Variants in EPG5 observed in about 807,000 individuals in gnomAD.
EPG5 encodes the protein ectopic P-granules 5 autophagy tethering factor.
A neutral mutation model predicts 302.7 loss-of-function variants in EPG5; 159 were observed. The observed-to-expected ratio is 0.53, with a 90% CI of 0.46 to 0.60. The LOEUF is 0.60. EPG5 is among the 20% of genes least tolerant of loss of function. EPG5 has a pLI of 0.00. For synonymous variants in EPG5, 1,158 were observed against 1,136.8 expected (o/e 1.02, Z -0.37); for missense variants, 2,896 against 3,092.4 (o/e 0.94, Z 1.51).
At chr18:45,923,491 T>C (rs954475477) in intron 14 of EPG5, 104 bp from the exon 15 acceptor site, 2 of 1,255,116 alleles carry the variant, frequency 1.6e-6, no homozygotes, top group Non-Finnish European at 2.2e-6. Flanking sequence ...GGATCTTCGA[T>C]GTAGAAGCTA....
downstream of EPG5, among the ~76,000 whole-genome samples, chr18:45,845,947 G>T (rs2048359758): frequency 6.6e-6 from 1 of 152,212 alleles, no homozygotes; most frequent in African/African-American, 2.4e-5. Context: ...AATCTATGGT[G>T]AAAGTAGGCC....
chr18:45,950,629 C>G (rs2050886886), intron 4 of EPG5, among the ~76,000 whole-genome samples: 1 of 152,188 alleles, frequency 6.6e-6, no homozygotes, highest in Non-Finnish European at 1.5e-5. Context: ...ACATTTGGGG[C>G]TGAAACATAA....
chr18:45,925,508 G>A (rs188859992), intron 14 of EPG5, among the ~76,000 whole-genome samples: 174 of 151,956 alleles, frequency 1.1e-3, no homozygotes, highest in African/African-American at 3.7e-3. Flanking sequence ...CAGATACATG[G>A]GAATAAGGAA....
intron 27 of EPG5, among the ~76,000 whole-genome samples, chr18:45,895,023 G>A (rs74513262): frequency 0.032 from 4,923 of 152,260 alleles, 232 homozygotes; most frequent in African/African-American, 0.11. Context: ...AGGGAGAAGC[G>A]AGGTGTGCAT....
chr18:45,895,912 C>A (rs1599515997), intron 27 of EPG5, among the ~76,000 whole-genome samples: 1 of 152,300 alleles, frequency 6.6e-6, no homozygotes, highest in East Asian at 1.9e-4. Context: ...CATCCATAAC[C>A]AATATTATCC....
chr18:45,939,863 C>T, intron 9 of EPG5, 108 bp from the exon 10 acceptor site: 6 of 972,382 alleles, frequency 6.2e-6, no homozygotes, highest in Non-Finnish European at 7.6e-6. Flanking sequence ...TGAGCACCTA[C>T]TATCCACCTA....
the EPG5 span, among the ~76,000 whole-genome samples, chr18:45,828,300 T>G: frequency 6.6e-6 from 1 of 152,156 alleles, no homozygotes; most frequent in African/African-American, 2.4e-5. Flanking sequence ...CTACTTTCCA[T>G]GTCCTCCCCT....
intron 13 of EPG5, among the ~76,000 whole-genome samples, chr18:45,926,787 G>A (rs2050279736): frequency 6.7e-6 from 1 of 149,924 alleles, no homozygotes; most frequent in East Asian, 2.0e-4. Context: ...ACTCCAGCCT[G>A]GGTGACAGGG....
chr18:45,855,706 G>A lies in EPG5; in HGVS notation c.7443-19C>T. On this transcript the variant is annotated intron_variant, in intron 42 of 43. Coordinates refer to ENST00000282041, the MANE Select transcript of EPG5 (RefSeq NM_020964.3). The stretch of plus-strand genomic sequence containing the variant: ...TCGGAACCTTAGGCATTAGGGAGAG[G>A]TCAGAAGAAGTAAATGGCTATTAAA... 6.5e-7 allele frequency: 1 copy of A among 1,527,590 alleles called. No homozygotes were observed. The highest frequency in any genetic ancestry group is 9.1e-7 in the Non-Finnish European group (1 of 1,101,420). 94.6% of individuals were successfully genotyped at this position (1,527,590 alleles called of 1,614,324 possible). A position where few individuals can be genotyped will look rare whatever the true frequency, so the allele number is the denominator to read the frequency against.
rs1893524 is a variant in EPG5 at position 45,901,405 on chromosome 18, C to T, written c.4475-238G>A. 0.83 allele frequency among the ~76,000 whole-genome samples: 126,106 copies of T among 152,154 alleles called. 52,533 individuals carry two copies. Among genetic ancestry groups the T allele is most frequent in the African/African-American group, 0.9 (37,539 of 41,532 alleles). ...TATCTAGTGCCTTACGCTAATATCA[C>T]GTGGATCTAGTGAACACCTCTATGC... is the stretch of plus-strand genomic sequence containing the variant. On this transcript the variant is annotated intron_variant, in intron 25 of 43. Transcript: ENST00000282041.
At chr18:45,903,600 G>A (rs2049676391) in intron 25 of EPG5, among the ~76,000 whole-genome samples, 1 of 152,090 alleles carries the variant, frequency 6.6e-6, no homozygotes, top group African/African-American at 2.4e-5. Flanking sequence ...AACTTTATAG[G>A]TTAAATGGGC....
At chr18:45,875,361 C>T (rs1339307127) in intron 35 of EPG5, among the ~76,000 whole-genome samples, 1 of 152,012 alleles carries the variant, frequency 6.6e-6, no homozygotes, top group African/African-American at 2.4e-5. Context: ...AATTAATGTA[C>T]ATACATCATA....
At chr18:45,963,739 T>G (rs376355125) in intron 1 of EPG5, among the ~76,000 whole-genome samples, 18 of 152,360 alleles carry the variant, frequency 1.2e-4, no homozygotes, top group African/African-American at 4.3e-4. Flanking sequence ...GTCCATGCTT[T>G]GGACTCTAGC....
chr18:45,863,254 T>C (rs1369801759), intron 39 of EPG5, among the ~76,000 whole-genome samples: 1 of 152,224 alleles, frequency 6.6e-6, no homozygotes, highest in Admixed American at 6.5e-5. Flanking sequence ...TAACAATCTT[T>C]GTCTTTTAAC....
the EPG5 span, among the ~76,000 whole-genome samples, chr18:45,839,290 G>A: frequency 1.8e-4 from 27 of 152,304 alleles, no homozygotes; most frequent in Admixed American, 3.9e-4. Context: ...TTGCAATAAG[G>A]AAGCTGAGGC....
intron 10 of EPG5, 122 bp downstream of exon 10, chr18:45,939,478 A>T (rs1599617068): frequency 5.1e-6 from 5 of 988,286 alleles, no homozygotes; most frequent in African/African-American, 4.9e-5. Flanking sequence ...TGCCCTCAAT[A>T]AGAAATAGAT....
intron 42 of EPG5, among the ~76,000 whole-genome samples, chr18:45,856,970 G>T (rs145302963): frequency 1.3e-5 from 2 of 152,086 alleles, no homozygotes. Context: ...CCAGGCTGGA[G>T]TGCAATGGTG....
the EPG5 span, chr18:45,841,976 A>T: frequency 1.2e-6 from 1 of 842,026 alleles, no homozygotes. Flanking sequence ...TTCATCTCTG[A>T]GCCCTGCCGG....
At chr18:45,865,206 G>GT (rs1211150292) in intron 39 of EPG5, among the ~76,000 whole-genome samples, 4 of 152,136 alleles carry the variant, frequency 2.6e-5, no homozygotes, top group African/African-American at 9.7e-5. Context: ...CCAGCACCCA[G>GT]TTATCTTCAG....
Sources: gnomAD v4.1 joint callset for allele counts (sites outside exome capture counted in the v4.1 genomes callset) on GRCh38, gnomAD v4.1.1 for gene constraint, MANE v1.5 for transcripts, NCBI Gene and HGNC (gene_info 2026-07-23, HGNC 2026-07-21) for gene names.